The following MEF2C variants were observed in gnomAD, a reference collection of about 807,000 sequenced individuals.
MEF2C encodes the protein myocyte-specific enhancer factor 2C.
A neutral mutation model predicts 50.5 loss-of-function variants in MEF2C; 6 were observed. That is an observed-to-expected ratio of 0.12 (90% CI 0.07 to 0.23). MEF2C has a LOEUF of 0.23. MEF2C is among the 10% of genes least tolerant of loss of function. The pLI is 1.00. For missense variants in MEF2C, 276 were observed against 605.0 expected, an observed-to-expected ratio of 0.46 and a Z score of 5.70; for synonymous variants, 183 against 228.0, an observed-to-expected ratio of 0.80 and a Z score of 1.78.
chr5:88,739,075 T>A, intron 6 of MEF2C: 1 of 985,158 alleles, frequency 1.0e-6, no homozygotes, highest in Non-Finnish European at 1.2e-6. Context: ...TACTGTCAAT[T>A]TAAGAGACCA....
At chr5:88,886,314 T>C (rs140034295), upstream of MEF2C, among the ~76,000 whole-genome samples, 1 of 152,338 alleles carries the variant, frequency 6.6e-6, no homozygotes, top group Non-Finnish European at 1.5e-5. Flanking sequence ...TTGGTTTCTG[T>C]TTCTGTTTTT....
At chr5:88,810,638 T>C (rs1802382807) in intron 2 of MEF2C, among the ~76,000 whole-genome samples, 1 of 152,144 alleles carries the variant, frequency 6.6e-6, no homozygotes. Flanking sequence ...ATGGTAGTAA[T>C]TTAGCTGATT....
At chr5:88,806,576 C>T (rs1800528897) in intron 2 of MEF2C, among the ~76,000 whole-genome samples, 2 of 152,152 alleles carry the variant, frequency 1.3e-5, no homozygotes, top group South Asian at 4.1e-4. Flanking sequence ...TTGACAAGGA[C>T]TGTGGACTAG....
chr5:88,760,981 T>C lies in MEF2C; in HGVS notation c.402+204A>G, dbSNP rs751763442. On this transcript the variant is annotated intron_variant, in intron 4 of 10. Coordinates refer to ENST00000504921, the MANE Select transcript of MEF2C (RefSeq NM_002397.5). ...CAGCAGACCAGCCATCTACCTTTGG[T>C]ACTTACAGGAATTTTATGACTCTTG... 22 of 1,604,856 alleles carry C rather than the reference T, an allele frequency of 1.4e-5. No homozygotes were observed. The South Asian group carries it at 2.1e-4, about 16-fold the overall frequency.
intron 5 of MEF2C, chr5:88,749,597 C>A: frequency 3.0e-6 from 2 of 657,310 alleles, no homozygotes; most frequent in Non-Finnish European, 3.8e-6. Context: ...TTGACTGACA[C>A]AATATAACAA....
At position 88,728,568 on chromosome 5, in the gene MEF2C, A is replaced by G; in HGVS notation, c.1025T>C (p.Leu342Pro). The G allele has an allele frequency of 1.3e-6, 2 of 1,536,320 alleles. No homozygotes were observed. The highest frequency in any genetic ancestry group is 1.8e-6 in the Non-Finnish European group (2 of 1,138,114). Residue 342 changes from leucine (L) to proline (P), a missense_variant, in exon 10 of 11, where the codon CTT (leucine) becomes CCT (proline). Coordinates refer to ENST00000504921, the MANE Select transcript of MEF2C (RefSeq NM_002397.5). ...CCAGCCAGTTACTGAACCAAGGTGA[A>G]GAGCGCTGGCGGTGTTAAACCCAGA... The part of the protein sequence containing the change: ...SLSGFNTASA[L>P]HLGSVTGWQQ...
intron 3 of MEF2C, chr5:88,780,984 T>C: frequency 1.1e-5 from 11 of 975,462 alleles, no homozygotes; most frequent in South Asian, 4.7e-5. Flanking sequence ...CTAAGAGAAC[T>C]TGGGCAAGCC....
intron 1 of MEF2C, among the ~76,000 whole-genome samples, chr5:88,877,154 T>C (rs1431579165): frequency 6.6e-6 from 1 of 152,094 alleles, no homozygotes; most frequent in Non-Finnish European, 1.5e-5. Context: ...TTAAGAGTAA[T>C]GATTCCTGAA....
upstream of MEF2C, among the ~76,000 whole-genome samples, chr5:88,886,395 T>C (rs1414474510): frequency 6.6e-6 from 1 of 152,212 alleles, no homozygotes; most frequent in Non-Finnish European, 1.5e-5. Context: ...TATTTTCTCA[T>C]GTAGGGAGGA....
intron 6 of MEF2C, among the ~76,000 whole-genome samples, chr5:88,746,196 C>T (rs993767857): frequency 1.3e-5 from 2 of 152,070 alleles, no homozygotes; most frequent in Non-Finnish European, 2.9e-5. Flanking sequence ...AACAAGCAGT[C>T]CTGGGGAGAC....
At chr5:88,733,503 G>C in intron 6 of MEF2C, 1 of 985,412 alleles carries the variant, frequency 1.0e-6, no homozygotes, top group Non-Finnish European at 1.2e-6. Context: ...AGGCCTGCTA[G>C]TGTGGACCAG....
chr5:88,752,711 A>G (rs888399483), intron 4 of MEF2C: 7 of 985,456 alleles, frequency 7.1e-6, no homozygotes, highest in Non-Finnish European at 8.4e-6. Context: ...CTGTATCTCA[A>G]TTGTGAAAGT....
At chr5:88,804,405 C>A in intron 3 of MEF2C, 193 bp downstream of exon 3, 1 of 568,498 alleles carries the variant, frequency 1.8e-6, no homozygotes. Context: ...TCTCTATCAT[C>A]ACATCACTCT....
At chr5:88,797,536 G>C (rs1020093005) in intron 3 of MEF2C, among the ~76,000 whole-genome samples, 1 of 123,092 alleles carries the variant, frequency 8.1e-6, no homozygotes, top group Non-Finnish European at 1.6e-5. Context: ...GAGCCTATGT[G>C]TGTCTTTGTA....
At chr5:88,799,397 T>A (rs1406312817) in intron 3 of MEF2C, among the ~76,000 whole-genome samples, 3 of 152,208 alleles carry the variant, frequency 2.0e-5, no homozygotes, top group Non-Finnish European at 4.4e-5. Flanking sequence ...ACATCTATAT[T>A]TTTATAAGTA....
At chr5:88,738,356 G>A (rs1276205963) in intron 6 of MEF2C, 2 of 985,214 alleles carry the variant, frequency 2.0e-6, no homozygotes, top group Non-Finnish European at 2.4e-6. Context: ...CTGCTCAGAA[G>A]AGTACCAGGC....
intron 1 of MEF2C, among the ~76,000 whole-genome samples, chr5:88,888,720 GT>G (rs11331197): frequency 0.25 from 36,215 of 143,726 alleles, 4,875 homozygotes; most frequent in African/African-American, 0.37. Flanking sequence ...GTATGGTAAG[GT>G]TTTTTTTTTT....
chr5:88,736,451 G>A lies in MEF2C; in HGVS notation c.638-4550C>T, dbSNP rs1300316914. ...GGAGCTTGCAGTGAGCCGAGATTGC[G>A]CCACTGCAGTCCGCAGTCCGACCTG... On this transcript the variant is annotated intron_variant, in intron 6 of 10. Coordinates refer to ENST00000504921, the MANE Select transcript of MEF2C (RefSeq NM_002397.5). Among the ~76,000 whole-genome samples, 4 of 12,332 alleles carry A rather than the reference G, an allele frequency of 3.2e-4. 1 individual carries two copies. Among genetic ancestry groups the A allele is most frequent in the Admixed American group, 1.4e-3 (2 of 1,426 alleles). The allele number at this position is 12,332 out of a possible 152,430, so 8.1% of individuals were successfully genotyped here. A position where few individuals can be genotyped will look rare whatever the true frequency, so the allele number is the denominator to read the frequency against.
intron 1 of MEF2C, among the ~76,000 whole-genome samples, chr5:88,836,661 G>C (rs1815210760): frequency 6.6e-6 from 1 of 152,184 alleles, no homozygotes; most frequent in African/African-American, 2.4e-5. Flanking sequence ...CAGTTTCTAG[G>C]CCGAAGGCCT....
Sources: allele counts gnomAD v4.1 joint callset (sites outside exome capture counted in the v4.1 genomes callset), GRCh38; gene constraint gnomAD v4.1.1; transcripts MANE v1.5; gene names NCBI Gene and HGNC (gene_info 2026-07-23, HGNC 2026-07-21).